Variants in SYNPO2 observed in about 807,000 individuals in gnomAD.
SYNPO2 encodes synaptopodin-2.
In SYNPO2, 56 loss-of-function variants were observed where a neutral mutation model predicts 85.0. The observed-to-expected ratio is 0.66, with a 90% CI of 0.53 to 0.82. The LOEUF is 0.82. Among genes scored for constraint, SYNPO2 ranks in the 40% least tolerant of loss-of-function variants. The probability of loss-of-function intolerance (pLI) is 0.00; values close to 1 mark genes in which losing one functional copy is unlikely to be tolerated. For synonymous variants in SYNPO2, 602 were observed against 591.1 expected (o/e 1.02, Z -0.27); for missense variants, 1,575 against 1,534.2 (o/e 1.03, Z -0.44).
Position 118,888,942 on chromosome 4 carries a change from T to A in SYNPO2, c.-95T>A. 7.7e-7 allele frequency: 1 copy of A among 1,297,890 alleles called. No individual in the cohort carries two copies. Among genetic ancestry groups the A allele is most frequent in the South Asian group, 1.2e-5 (1 of 84,066 alleles). 80.4% of individuals were successfully genotyped at this position (1,297,890 alleles called of 1,614,324 possible). On this transcript the variant is annotated 5_prime_UTR_variant, in exon 1 of 5. Coordinates refer to ENST00000307142, the MANE Select transcript of SYNPO2 (RefSeq NM_133477.3). Reference sequence around the variant, plus strand: ...CTCTGCATTACCCAGTCTTGCGTCCTCGGCAGGCGCCCGAAGCTGAGTGCG... The same window carrying A: ...CTCTGCATTACCCAGTCTTGCGTCCACGGCAGGCGCCCGAAGCTGAGTGCG...
intron 1 of SYNPO2, among the ~76,000 whole-genome samples, chr4:118,942,555 C>A (rs1358126582): frequency 6.6e-6 from 1 of 151,804 alleles, no homozygotes. Context: ...GGGTTTTTTT[C>A]TTTCCTTTCA....
chr4:118,969,502 G>A (rs1735453112), intron 1 of SYNPO2, among the ~76,000 whole-genome samples: 2 of 152,146 alleles, frequency 1.3e-5, no homozygotes, highest in East Asian at 1.9e-4. Flanking sequence ...GAGGTGTGGA[G>A]CGCCAGTCTT....
At chr4:118,870,184 A>T (rs1731777184) in intron 1 of SYNPO2, among the ~76,000 whole-genome samples, 1 of 152,128 alleles carries the variant, frequency 6.6e-6, no homozygotes, top group South Asian at 2.1e-4. Flanking sequence ...AATAATTAGC[A>T]ATTTTCTAGG....
Position 119,031,848 on chromosome 4 carries a change from T to C in SYNPO2, c.3073T>C (p.Tyr1025His). ...TACGAATGTGCAGGCTTCGTCAGTG[T>C]ACTCGGTACCAGCCTATACCTCTCC... ...SPTNVQASSV[Y>H]SVPAYTSPPS... The change falls in exon 4 of 5, where the codon TAC (tyrosine) becomes CAC (histidine). Residue 1025 changes from tyrosine to histidine, a missense_variant. By Grantham distance (83) the Tyr-to-His change is moderately conservative (BLOSUM62 2). Transcript: ENST00000307142. The C allele has an allele frequency of 6.2e-7, 1 of 1,614,234 alleles. No individual in the cohort carries two copies.
intron 4 of SYNPO2, chr4:119,032,929 T>TGC: frequency 2.2e-6 from 2 of 905,322 alleles, no homozygotes; most frequent in Non-Finnish European, 1.3e-6. Context: ...AAAGGTTGAT[T>TGC]CCCACCCTCC....
intron 1 of SYNPO2, among the ~76,000 whole-genome samples, chr4:118,867,114 A>G (rs1320016634): frequency 6.6e-6 from 1 of 152,148 alleles, no homozygotes; most frequent in Non-Finnish European, 1.5e-5. Flanking sequence ...CATATTGCTT[A>G]TGGCAACTTT....
chr4:118,862,218 T>G (rs983793568), intron 1 of SYNPO2, among the ~76,000 whole-genome samples: 1 of 152,254 alleles, frequency 6.6e-6, no homozygotes, highest in Non-Finnish European at 1.5e-5. Flanking sequence ...GTTTATCAGT[T>G]CTAATAGATT....
chr4:118,871,759 C>T lies in SYNPO2; in HGVS notation c.12+20819C>T, dbSNP rs575573687. Among the ~76,000 whole-genome samples the T allele has an allele frequency of 3.9e-5, 6 of 152,116 alleles. No individual in the cohort carries two copies. The South Asian group carries it at 1.2e-3, about 32-fold the overall frequency. On this transcript the variant is annotated intron_variant, in intron 1 of 4. Transcript: ENST00000610556. ...TAATTTGTTGTATTTTTAGTAGAGG[C>T]GGGGTTTCACATTGTTAGCCAGGAT... is the stretch of plus-strand genomic sequence containing the variant.
At chr4:119,028,759 T>C (rs910085462) in intron 3 of SYNPO2, among the ~76,000 whole-genome samples, 1 of 146,728 alleles carries the variant, frequency 6.8e-6, no homozygotes, top group Non-Finnish European at 1.5e-5. Flanking sequence ...TTTTCAATCA[T>C]AAAATAGTCA....
intron 4 of SYNPO2, among the ~76,000 whole-genome samples, chr4:119,049,149 A>T (rs1738961526): frequency 6.6e-6 from 1 of 152,168 alleles, no homozygotes; most frequent in African/African-American, 2.4e-5. Flanking sequence ...GGAGTGTGAG[A>T]TGGAGAGCAG....
At chr4:119,007,225 TATA>T (rs1344284804) in intron 1 of SYNPO2, among the ~76,000 whole-genome samples, 1 of 48,336 alleles carries the variant, frequency 2.1e-5, no homozygotes, top group Non-Finnish European at 3.6e-5. Flanking sequence ...GGTATATATA[TATA>T]TATATATATA....
intron 1 of SYNPO2, among the ~76,000 whole-genome samples, chr4:118,914,301 A>G (rs1018583089): frequency 2.0e-5 from 3 of 152,176 alleles, no homozygotes; most frequent in African/African-American, 7.2e-5. Flanking sequence ...GGTTCAGGAG[A>G]ATGGCCAGGG....
intron 1 of SYNPO2, among the ~76,000 whole-genome samples, chr4:118,856,847 T>G (rs947695678): frequency 6.6e-6 from 1 of 152,142 alleles, no homozygotes; most frequent in Non-Finnish European, 1.5e-5. Context: ...CTATTGTTGG[T>G]AAGAGGAAGA....
At position 119,036,775 on chromosome 4, in the gene SYNPO2, T is replaced by C. The variant is rs540519794; in HGVS notation, c.3252+4748T>C. On this transcript the variant is annotated intron_variant, in intron 4 of 4. Coordinates refer to ENST00000307142, the MANE Select transcript of SYNPO2 (RefSeq NM_133477.3). Reference sequence around the variant, plus strand: ...ACTGTATGTTTCTGTGGTATGTATATTTGTACACCTAACTACCTGGCACTT... The same window carrying C: ...ACTGTATGTTTCTGTGGTATGTATACTTGTACACCTAACTACCTGGCACTT... The C allele has an allele frequency of 8.5e-5, 85 of 999,362 alleles. No individual in the cohort carries two copies. In the African/African-American group the frequency reaches 1.4e-3, roughly 16 times the overall value. 61.9% of individuals were successfully genotyped at this position (999,362 alleles called of 1,614,324 possible).
At chr4:118,979,265 T>C (rs1735911777) in intron 1 of SYNPO2, among the ~76,000 whole-genome samples, 1 of 152,240 alleles carries the variant, frequency 6.6e-6, no homozygotes, top group Non-Finnish European at 1.5e-5. Context: ...TATGCTTTCC[T>C]ACTGCCGTAG....
At chr4:119,020,503 T>C (rs1156279149) in intron 1 of SYNPO2, among the ~76,000 whole-genome samples, 1 of 152,122 alleles carries the variant, frequency 6.6e-6, no homozygotes, top group Non-Finnish European at 1.5e-5. Context: ...AAGAATCAAT[T>C]TTTCATCTTC....
chr4:119,007,236 ATATATATATG>A (rs1560971973), intron 1 of SYNPO2, among the ~76,000 whole-genome samples: 76 of 50,894 alleles, frequency 1.5e-3, no homozygotes, highest in African/African-American at 6.3e-3. Flanking sequence ...ATATATATAT[ATATATATATG>A]TATATACATA....
chr4:119,003,317 G>A (rs527428511), intron 1 of SYNPO2, among the ~76,000 whole-genome samples: 161 of 152,260 alleles, frequency 1.1e-3, no homozygotes, highest in African/African-American at 3.8e-3. Context: ...CAGATCTCAT[G>A]AGAACTCACT....
chr4:118,941,439 G>C (rs1402086398), intron 1 of SYNPO2, among the ~76,000 whole-genome samples: 3 of 152,134 alleles, frequency 2.0e-5, no homozygotes, highest in Non-Finnish European at 4.4e-5. Flanking sequence ...GATCAAACCT[G>C]ACCACCTGAA....
Sources: gnomAD v4.1 joint callset for allele counts (sites outside exome capture counted in the v4.1 genomes callset) on GRCh38, gnomAD v4.1.1 for gene constraint, MANE v1.5 for transcripts, NCBI Gene and HGNC (gene_info 2026-07-23, HGNC 2026-07-21) for gene names.